Variants in EPHB2 observed in about 807,000 individuals in gnomAD.
The protein encoded by EPHB2 is ephrin type-B receptor 2.
In EPHB2, 18 loss-of-function variants were observed where a neutral mutation model predicts 96.4. That is an observed-to-expected ratio of 0.19 (90% CI 0.13 to 0.28). EPHB2 has a LOEUF of 0.28. Ranked by LOEUF, EPHB2 falls within the 10% of genes least tolerant of loss-of-function variation. EPHB2 has a pLI of 1.00. For synonymous variants in EPHB2, 506 were observed against 534.1 expected (o/e 0.95, Z 0.72); for missense variants, 989 against 1,355.4 (o/e 0.73, Z 4.25).
intron 1 of EPHB2, among the ~76,000 whole-genome samples, chr1:22,759,354 C>T (rs576320843): frequency 3.7e-5 from 5 of 134,794 alleles, no homozygotes; most frequent in African/African-American, 1.3e-4. Context: ...TCTTCAGGTA[C>T]TTCAACAGGT....
At chr1:22,824,325 AAAG>A (rs1396989172) in intron 3 of EPHB2, among the ~76,000 whole-genome samples, 4 of 151,974 alleles carry the variant, frequency 2.6e-5, no homozygotes, top group Admixed American at 1.3e-4. Flanking sequence ...AGAAAGAAGA[AAAG>A]AAGAAGAAAG....
intron 1 of EPHB2, among the ~76,000 whole-genome samples, chr1:22,765,103 A>G (rs2817885): frequency 6.6e-6 from 1 of 152,054 alleles, no homozygotes. Flanking sequence ...GGTGAGGGTG[A>G]GGAGCCGGAC....
intron 9 of EPHB2, among the ~76,000 whole-genome samples, chr1:22,904,490 C>T (rs1639846273): frequency 6.6e-6 from 1 of 152,178 alleles, no homozygotes; most frequent in Admixed American, 6.5e-5. Context: ...TCCTACTGCT[C>T]ATACTTAGGA....
intron 1 of EPHB2, among the ~76,000 whole-genome samples, chr1:22,720,256 G>C (rs1191780127): frequency 6.6e-6 from 1 of 152,182 alleles, no homozygotes; most frequent in Non-Finnish European, 1.5e-5. Context: ...CACCAGCTCA[G>C]ATTCATCCCA....
intron 1 of EPHB2, among the ~76,000 whole-genome samples, chr1:22,781,139 T>C (rs1644524689): frequency 6.6e-6 from 1 of 151,622 alleles, no homozygotes; most frequent in Non-Finnish European, 1.5e-5. Context: ...GCTAACACGG[T>C]GAAACCCTGT....
intron 1 of EPHB2, among the ~76,000 whole-genome samples, chr1:22,762,698 G>A (rs1419542151): frequency 6.6e-6 from 1 of 152,196 alleles, no homozygotes; most frequent in African/African-American, 2.4e-5. Flanking sequence ...GACAAAAGGA[G>A]ACATCAGCAA....
chr1:22,838,941 A>C (rs55826212), intron 3 of EPHB2, among the ~76,000 whole-genome samples: 3 of 146,312 alleles, frequency 2.1e-5, no homozygotes, highest in Non-Finnish European at 4.6e-5. Context: ...AAAAATAAAA[A>C]CAAAACAAAA....
chr1:22,804,476 C>T (rs982661128), intron 3 of EPHB2, among the ~76,000 whole-genome samples: 1 of 152,112 alleles, frequency 6.6e-6, no homozygotes, highest in African/African-American at 2.4e-5. Flanking sequence ...GACGAGACAC[C>T]CCAGTCTGCC....
In EPHB2 at chr1:22,860,297, A is replaced by C. The variant is rs1051539609; in HGVS notation, c.812-2740A>C. Among the ~76,000 whole-genome samples, 5 of 152,160 alleles carry C rather than the reference A, an allele frequency of 3.3e-5. No homozygotes were observed. The highest frequency in any genetic ancestry group is 7.4e-5 in the Non-Finnish European group (5 of 67,998). Reference sequence around the variant, plus strand: ...GGGGGAGCGGCCAAGACCAGACCAGAGACTGCTGAGGAGGGAAGACCTAGT... The same window carrying C: ...GGGGGAGCGGCCAAGACCAGACCAGCGACTGCTGAGGAGGGAAGACCTAGT... On this transcript the variant is annotated intron_variant, in intron 3 of 15. Coordinates refer to ENST00000374630, the MANE Select transcript of EPHB2 (RefSeq NM_017449.5). The surrounding 1 kb of genome is among the most constrained non-coding windows in gnomAD (Gnocchi z 4.6).
chr1:22,868,217 G>A (rs550212489), intron 5 of EPHB2, among the ~76,000 whole-genome samples: 8 of 152,280 alleles, frequency 5.3e-5, no homozygotes, highest in Non-Finnish European at 7.4e-5. Flanking sequence ...GAGATGGGGC[G>A]GAGTATGGAC....
At chr1:22,854,250 C>A (rs1339363106) in intron 3 of EPHB2, among the ~76,000 whole-genome samples, 2 of 152,172 alleles carry the variant, frequency 1.3e-5, no homozygotes, top group Non-Finnish European at 2.9e-5. Flanking sequence ...GTGGCTCACA[C>A]CTGTAATCCC....
chr1:22,745,817 C>T (rs557422100), intron 1 of EPHB2, among the ~76,000 whole-genome samples: 1 of 152,214 alleles, frequency 6.6e-6, no homozygotes, highest in African/African-American at 2.4e-5. Flanking sequence ...CAGCTGTGAG[C>T]GCAGCGGGGC....
intron 3 of EPHB2, among the ~76,000 whole-genome samples, chr1:22,826,533 A>G (rs1645226543): frequency 6.6e-6 from 1 of 152,248 alleles, no homozygotes; most frequent in South Asian, 2.1e-4. Context: ...GGGGGAAGGC[A>G]TCCTTGCTCC....
intron 1 of EPHB2, among the ~76,000 whole-genome samples, chr1:22,725,061 G>T (rs1643551801): frequency 6.6e-6 from 1 of 152,022 alleles, no homozygotes; most frequent in Admixed American, 6.6e-5. Flanking sequence ...TGTGTCCTTG[G>T]TGTCACCTTG....
At chr1:22,840,499 C>T (rs889899100) in intron 3 of EPHB2, among the ~76,000 whole-genome samples, 8 of 152,154 alleles carry the variant, frequency 5.3e-5, no homozygotes, top group South Asian at 2.1e-4. Context: ...CTTGCTCTAT[C>T]GCCCAGGCTG....
chr1:22,873,750 C>T (rs959201325), intron 5 of EPHB2, among the ~76,000 whole-genome samples: 3 of 152,234 alleles, frequency 2.0e-5, no homozygotes, highest in Non-Finnish European at 4.4e-5. Flanking sequence ...CTGGCTATCA[C>T]ATCCATGTCT....
At chr1:22,773,450 C>G (rs911491615) in intron 1 of EPHB2, among the ~76,000 whole-genome samples, 6 of 152,234 alleles carry the variant, frequency 3.9e-5, no homozygotes, top group Admixed American at 3.9e-4. Context: ...CCTGGGCTGG[C>G]ATCTGCTGCA....
At chr1:22,806,675 G>A (rs192052202) in intron 3 of EPHB2, among the ~76,000 whole-genome samples, 14 of 152,362 alleles carry the variant, frequency 9.2e-5, no homozygotes, top group Non-Finnish European at 1.9e-4. Context: ...GCCCTCCACA[G>A]GGCCAGGCCC....
chr1:22,782,617 G>T (rs1385709887), intron 2 of EPHB2, among the ~76,000 whole-genome samples: 1 of 152,212 alleles, frequency 6.6e-6, no homozygotes, highest in East Asian at 1.9e-4. Context: ...CAGGGCCCCC[G>T]GACGCAATTA....
Sources: gnomAD v4.1 joint callset for allele counts (sites outside exome capture counted in the v4.1 genomes callset) on GRCh38, gnomAD v4.1.1 for gene constraint, Gnocchi (gnomAD v3.1) non-coding constraint, MANE v1.5 for transcripts, NCBI Gene and HGNC (gene_info 2026-07-23, HGNC 2026-07-21) for gene names.